The following GABRG3 variants were observed in gnomAD, a reference collection of about 807,000 sequenced individuals.
The protein encoded by GABRG3 is gamma-aminobutyric acid receptor subunit gamma-3.
GABRG3 carries 25 observed loss-of-function variants against 48.8 expected under a neutral mutation model. The ratio of observed to expected loss-of-function variants is 0.51; its 90% CI spans 0.37 to 0.72. The LOEUF (loss-of-function observed/expected upper bound fraction) is 0.72. Among genes scored for constraint, GABRG3 ranks in the 30% least tolerant of loss-of-function variants. The probability of loss-of-function intolerance (pLI) is 0.00; values close to 1 mark genes in which losing one functional copy is unlikely to be tolerated. For synonymous variants in GABRG3, 227 were observed against 217.6 expected (o/e 1.04, Z -0.38); for missense variants, 394 against 577.9 (o/e 0.68, Z 3.26).
At chr15:27,302,702 A>G (rs1892254104) in intron 3 of GABRG3, among the ~76,000 whole-genome samples, 1 of 152,024 alleles carries the variant, frequency 6.6e-6, no homozygotes. Context: ...CCCATAGTTC[A>G]TTCATAACAA....
At chr15:27,187,295 A>G (rs1476655046) in intron 3 of GABRG3, among the ~76,000 whole-genome samples, 1 of 152,114 alleles carries the variant, frequency 6.6e-6, no homozygotes, top group African/African-American at 2.4e-5. Flanking sequence ...GTCTGTTTTC[A>G]TACCAGTACC....
intron 3 of GABRG3, among the ~76,000 whole-genome samples, chr15:27,159,555 C>T (rs1395001895): frequency 6.6e-6 from 1 of 151,774 alleles, no homozygotes; most frequent in East Asian, 1.9e-4. Flanking sequence ...GGGATTTCTT[C>T]TCTTATTTTC....
At chr15:27,074,755 A>C (rs1896883783) in intron 3 of GABRG3, among the ~76,000 whole-genome samples, 1 of 152,116 alleles carries the variant, frequency 6.6e-6, no homozygotes, top group Non-Finnish European at 1.5e-5. Context: ...GCAGGTGTTC[A>C]AATGTAGGAT....
At position 27,134,283 on chromosome 15, in the gene GABRG3, C is replaced by T. The variant is rs142559480; in HGVS notation, c.270+107462C>T. On this transcript the variant is annotated intron_variant, in intron 3 of 9. Coordinates refer to ENST00000615808, the MANE Select transcript of GABRG3 (RefSeq NM_033223.5). ...TAACGAGCAGACTGCAGGTACTAAA[C>T]ACAGGATTTGTGCAAGAGACAAAAC... Among the ~76,000 whole-genome samples the T allele has an allele frequency of 1.9e-3, 291 of 152,284 alleles. 4 individuals are homozygous for T. Among genetic ancestry groups the T allele is most frequent in the African/African-American group, 6.8e-3 (281 of 41,556 alleles).
intron 3 of GABRG3, among the ~76,000 whole-genome samples, chr15:27,153,341 C>G (rs1026722942): frequency 6.6e-6 from 1 of 152,048 alleles, no homozygotes; most frequent in African/African-American, 2.4e-5. Flanking sequence ...CTATTCTGTT[C>G]CATTGATCTA....
intron 5 of GABRG3, among the ~76,000 whole-genome samples, chr15:27,336,450 G>C (rs991608922): frequency 6.6e-6 from 1 of 152,124 alleles, no homozygotes; most frequent in African/African-American, 2.4e-5. Flanking sequence ...ATTATTAATA[G>C]TAAATGTAAA....
intron 3 of GABRG3, among the ~76,000 whole-genome samples, chr15:27,052,139 G>A (rs896357629): frequency 3.9e-5 from 6 of 152,146 alleles, no homozygotes; most frequent in African/African-American, 1.4e-4. Context: ...TCGGGCGTTG[G>A]GGCCCCCTGA....
intron 5 of GABRG3, among the ~76,000 whole-genome samples, chr15:27,461,655 G>A (rs1207177277): frequency 3.9e-5 from 6 of 152,120 alleles, no homozygotes; most frequent in African/African-American, 9.7e-5. Context: ...GAGCTGATTG[G>A]TCCATTTTAC....
At chr15:27,034,450 G>C (rs1202510774) in intron 3 of GABRG3, among the ~76,000 whole-genome samples, 1 of 152,140 alleles carries the variant, frequency 6.6e-6, no homozygotes, top group Non-Finnish European at 1.5e-5. Flanking sequence ...TTCAAGATTT[G>C]TTTCATCACT....
chr15:27,312,843 T>TG (rs1893041999), intron 3 of GABRG3, among the ~76,000 whole-genome samples: 1 of 151,896 alleles, frequency 6.6e-6, no homozygotes, highest in African/African-American at 2.4e-5. Context: ...AAAATCTCAT[T>TG]AGTATAAGTA....
intron 3 of GABRG3, among the ~76,000 whole-genome samples, chr15:27,240,154 G>A (rs1051315377): frequency 1.3e-5 from 2 of 152,056 alleles, no homozygotes; most frequent in African/African-American, 4.8e-5. Flanking sequence ...AATGATCATC[G>A]TGACTCTCTT....
chr15:27,139,084 G>C (rs1898059224), intron 3 of GABRG3, among the ~76,000 whole-genome samples: 1 of 152,062 alleles, frequency 6.6e-6, no homozygotes, highest in South Asian at 2.1e-4. Context: ...AGAGAGAGGT[G>C]TATGAGAACT....
intron 3 of GABRG3, among the ~76,000 whole-genome samples, chr15:27,325,196 TCACA>T (rs1272412097): frequency 1.3e-5 from 2 of 152,104 alleles, no homozygotes; most frequent in East Asian, 3.9e-4. Flanking sequence ...ATGCACACAC[TCACA>T]CACACACTTA....
intron 3 of GABRG3, among the ~76,000 whole-genome samples, chr15:27,216,814 A>G (rs910858662): frequency 3.1e-5 from 4 of 127,402 alleles, no homozygotes; most frequent in Non-Finnish European, 6.4e-5. Flanking sequence ...TTTAGGGTAC[A>G]TGTGCACATT....
At position 27,179,463 on chromosome 15, in the gene GABRG3, T is replaced by C. The variant is rs1353101086; in HGVS notation, c.271-147346T>C. Among the ~76,000 whole-genome samples, 1 of 152,224 alleles carries C rather than the reference T, an allele frequency of 6.6e-6. No homozygotes were observed. The highest frequency in any genetic ancestry group is 1.5e-5 in the Non-Finnish European group (1 of 68,036). Reference sequence around the variant, plus strand: ...ACCTTGTTTGCATAAAATCTTCCCCTGATTTTTGTGATACAATTTCGCTGG... The same window carrying C: ...ACCTTGTTTGCATAAAATCTTCCCCCGATTTTTGTGATACAATTTCGCTGG... On this transcript the variant is annotated intron_variant, in intron 3 of 9. Coordinates refer to ENST00000615808, the MANE Select transcript of GABRG3 (RefSeq NM_033223.5). The surrounding 1 kb of genome is among the most constrained non-coding windows in gnomAD (Gnocchi z 4.0).
chr15:27,268,243 T>G (rs1018881859), intron 3 of GABRG3, among the ~76,000 whole-genome samples: 1 of 152,246 alleles, frequency 6.6e-6, no homozygotes, highest in African/African-American at 2.4e-5. Flanking sequence ...GATTATCTAT[T>G]TCTTCAGTGC....
chr15:27,167,850 G>A (rs1165254949), intron 3 of GABRG3, among the ~76,000 whole-genome samples: 1 of 152,172 alleles, frequency 6.6e-6, no homozygotes, highest in African/African-American at 2.4e-5. Context: ...CCCCATGGCA[G>A]TGGGGGTGGA....
At chr15:27,515,516 G>A (rs1209131340) in intron 6 of GABRG3, among the ~76,000 whole-genome samples, 1 of 152,178 alleles carries the variant, frequency 6.6e-6, no homozygotes, top group Non-Finnish European at 1.5e-5. Flanking sequence ...CTAATCTCCA[G>A]GCCTCAGGTG....
intron 3 of GABRG3, among the ~76,000 whole-genome samples, chr15:27,231,460 G>A (rs901550419): frequency 5.3e-5 from 8 of 152,196 alleles, no homozygotes; most frequent in African/African-American, 1.7e-4. Flanking sequence ...GGGAGAAGAG[G>A]AGCAGGAGGC....
Sources: allele counts gnomAD v4.1 joint callset (sites outside exome capture counted in the v4.1 genomes callset), GRCh38; gene constraint gnomAD v4.1.1; non-coding constraint Gnocchi (gnomAD v3.1); transcripts MANE v1.5; gene names NCBI Gene and HGNC (gene_info 2026-07-23, HGNC 2026-07-21).